MSL1: variants seen among roughly 807,000 people sequenced by gnomAD.
The protein encoded by MSL1 is male-specific lethal 1 homolog.
A neutral mutation model predicts 64.6 loss-of-function variants in MSL1; 21 were observed. The observed-to-expected ratio is 0.33, with a 90% CI of 0.23 to 0.47. The LOEUF is 0.47. Ranked by LOEUF, MSL1 falls within the 20% of genes least tolerant of loss-of-function variation. MSL1 has a pLI of 1.00. For missense variants in MSL1, 664 were observed against 793.2 expected (o/e 0.84, Z 1.96); for synonymous variants, 339 against 329.6 (o/e 1.03, Z -0.31).
chr17:40,126,631 AC>A, intron 2 of MSL1: 1 of 483,808 alleles, frequency 2.1e-6, no homozygotes, highest in South Asian at 2.7e-5. Flanking sequence ...ACATTTTGAA[AC>A]CCCGTCTCTA....
chr17:40,134,382 G>GA lies in MSL1; in HGVS notation c.*15dup. The GA allele has an allele frequency of 6.4e-7, 1 of 1,551,290 alleles. No homozygotes were observed. Among genetic ancestry groups the GA allele is most frequent in the Non-Finnish European group, 8.7e-7 (1 of 1,146,174 alleles). Reference sequence around the variant, plus strand: ...GTGTAGGAAATAGCTGTGCTGGCAAGAACCCTGTCTTCAGATAGTTGTAGC... The same window carrying GA: ...GTGTAGGAAATAGCTGTGCTGGCAAGAAACCCTGTCTTCAGATAGTTGTAGC... On this transcript the variant is annotated 3_prime_UTR_variant, in exon 9 of 9. Coordinates refer to ENST00000398532, the MANE Select transcript of MSL1 (RefSeq NM_001365919.1).
At chr17:40,123,677 G>C (rs1002082167) in intron 1 of MSL1, among the ~76,000 whole-genome samples, 5 of 152,156 alleles carry the variant, frequency 3.3e-5, no homozygotes, top group East Asian at 3.9e-4. Context: ...AAAAAGACGT[G>C]ATCTGTGAGG....
At chr17:40,133,455 G>A in intron 6 of MSL1, 79 bp from the exon 7 acceptor site, 3 of 1,515,160 alleles carry the variant, frequency 2.0e-6, no homozygotes, top group Non-Finnish European at 2.7e-6. Context: ...TCTGGATTGT[G>A]TGAGTTGCTT....
In MSL1 at chr17:40,122,299, A is replaced by C; in HGVS notation, c.-314A>C. On this transcript the variant is annotated 5_prime_UTR_variant, in exon 1 of 9. Coordinates refer to ENST00000398532, the MANE Select transcript of MSL1 (RefSeq NM_001365919.1). The surrounding 1 kb of genome is among the most constrained non-coding windows in gnomAD (Gnocchi z 4.2). ...GGCCGGGCCAGGGGGGGCCGAAGCG[A>C]GCTCCGGGGATGAGCTCGGGGGCGG... 6.9e-6 allele frequency: 1 copy of C among 145,446 alleles called. No homozygotes were observed. The highest frequency in any genetic ancestry group is 1.5e-5 in the Non-Finnish European group (1 of 68,488). The allele number at this position is 145,446 out of a possible 1,614,324, so 9.0% of individuals were successfully genotyped here. A position where few individuals can be genotyped will look rare whatever the true frequency, so the allele number is the denominator to read the frequency against.
Position 40,123,152 on chromosome 17 carries a change from G to C in MSL1, c.540G>C (p.Pro180=). ...AGPPPLPLPG[P]PPLAPTATAG... is the part of the protein sequence containing the mutation. ...CCCCACCACTACCTCTGCCCGGGCC[G>C]CCACCCCTCGCGCCCACCGCCACCG... The change falls in exon 1 of 9, where the codon CCG becomes CCC. Residue 180 remains proline, a synonymous_variant. Transcript: ENST00000398532. 6.5e-7 allele frequency: 1 copy of C among 1,533,686 alleles called. No homozygotes were observed. The highest frequency in any genetic ancestry group is 1.2e-5 in the South Asian group (1 of 83,940).
At chr17:40,125,901 C>A (rs1212943735) in intron 1 of MSL1, among the ~76,000 whole-genome samples, 1 of 152,246 alleles carries the variant, frequency 6.6e-6, no homozygotes, top group Non-Finnish European at 1.5e-5. Context: ...AGGCATGTTA[C>A]GGCCCTTCCC....
chr17:40,122,720 C>T lies in MSL1; in HGVS notation c.108C>T (p.Asp36=), dbSNP rs1223662185. Residue 36 remains aspartate (D), a synonymous_variant, in exon 1 of 9, where the codon GAC becomes GAT. Coordinates refer to ENST00000398532, the MANE Select transcript of MSL1 (RefSeq NM_001365919.1). The surrounding 1 kb of genome is among the most constrained non-coding windows in gnomAD (Gnocchi z 4.2). ...CTGCGGCGCTGGGCGGGCCCGAGGA[C>T]GAGCCTGGGGCGGCCGAAGCCCACT... ...ERAAALGGPE[D]EPGAAEAHFL... 2 of 1,476,348 alleles carry T rather than the reference C, an allele frequency of 1.4e-6. No homozygotes were observed. The highest frequency in any genetic ancestry group is 1.8e-6 in the Non-Finnish European group (2 of 1,121,400). 91.5% of individuals were successfully genotyped at this position (1,476,348 alleles called of 1,614,324 possible).
In MSL1 at chr17:40,133,846, C is replaced by T. The variant is rs752656422; in HGVS notation, c.1701C>T (p.Thr567=). The T allele has an allele frequency of 1.9e-6, 3 of 1,613,910 alleles. No individual in the cohort carries two copies. The highest frequency in any genetic ancestry group is 1.7e-5 in the Admixed American group (1 of 60,002). The part of the protein sequence containing the change: ...EPDDVESLMI[T]PFLPVVAFGR... ...CCATAGTTGAAAGTTTGATGATTAC[C>T]CCCTTCTTGCCTGTTGTAGCATTTG... Residue 567 remains threonine (T), a synonymous_variant, in exon 8 of 9, where the codon ACC becomes ACT. Coordinates refer to ENST00000398532, the MANE Select transcript of MSL1 (RefSeq NM_001365919.1).
intron 2 of MSL1, among the ~76,000 whole-genome samples, chr17:40,128,863 A>T (rs1345362373): frequency 1.3e-5 from 2 of 151,910 alleles, no homozygotes; most frequent in Non-Finnish European, 2.9e-5. Context: ...ATACAAAAAA[A>T]ATTAACCAGG....
At chr17:40,125,541 G>A (rs935638723) in intron 1 of MSL1, among the ~76,000 whole-genome samples, 3 of 152,154 alleles carry the variant, frequency 2.0e-5, no homozygotes, top group Admixed American at 6.5e-5. Context: ...GGCTGGGCGC[G>A]GTGGCTCACG....
chr17:40,127,630 C>T (rs1988350720), intron 2 of MSL1, among the ~76,000 whole-genome samples: 1 of 152,158 alleles, frequency 6.6e-6, no homozygotes, highest in Non-Finnish European at 1.5e-5. Flanking sequence ...CATAGGCACT[C>T]ACCATGCTTG....
At chr17:40,129,872 C>T in intron 3 of MSL1, 1 of 454,952 alleles carries the variant, frequency 2.2e-6, no homozygotes, top group Non-Finnish European at 3.9e-6. Context: ...GTAAGTTGCT[C>T]ATCACAAGAG....
chr17:40,122,692 G>C lies in MSL1; in HGVS notation c.80G>C (p.Arg27Pro), dbSNP rs1386139680. Residue 27 changes from arginine to proline, a missense_variant, in exon 1 of 9, where the codon CGG (arginine) becomes CCG (proline). By Grantham distance (103) the Arg-to-Pro change is moderately radical (BLOSUM62 -2). Transcript: ENST00000398532. This position sits in a 1 kb window ranked among gnomAD's most constrained non-coding sequence, Gnocchi z 4.2. ...CCTGAGCAGCGACTGGACTACGAGC[G>C]GGCTGCGGCGCTGGGCGGGCCCGAG... is the stretch of plus-strand genomic sequence containing the variant. ...GNPEQRLDYERAAALGGPEDE... is the reference protein window; with the variant it reads ...GNPEQRLDYEPAAALGGPEDE... 3 of 1,486,856 alleles carry C rather than the reference G, an allele frequency of 2.0e-6. No individual in the cohort carries two copies. Among genetic ancestry groups the C allele is most frequent in the Non-Finnish European group, 2.7e-6 (3 of 1,125,990 alleles). 92.1% of individuals were successfully genotyped at this position (1,486,856 alleles called of 1,614,324 possible).
rs569629039 is a variant in MSL1, at chr17:40,126,620, A to G, written c.992+214A>G. 1.1e-4 allele frequency: 57 copies of G among 519,682 alleles called. No homozygotes were observed. The South Asian group carries it at 1.4e-3, about 12-fold the overall frequency. 32.2% of individuals were successfully genotyped at this position (519,682 alleles called of 1,614,324 possible). A position where few individuals can be genotyped will look rare whatever the true frequency, so the allele number is the denominator to read the frequency against. ...TCAAGAGATAGAGACCATCCTGGCC[A>G]ACATTTTGAAACCCCGTCTCTACTA... On this transcript the variant is annotated intron_variant, in intron 2 of 8. Coordinates refer to ENST00000398532, the MANE Select transcript of MSL1 (RefSeq NM_001365919.1).
chr17:40,133,023 G>T lies in MSL1; in HGVS notation c.1489-19G>T. The T allele has an allele frequency of 6.2e-7, 1 of 1,604,000 alleles. No individual in the cohort carries two copies. Among genetic ancestry groups the T allele is most frequent in the Non-Finnish European group, 8.5e-7 (1 of 1,174,880 alleles). On this transcript the variant is annotated intron_variant, in intron 5 of 8. Coordinates refer to ENST00000398532, the MANE Select transcript of MSL1 (RefSeq NM_001365919.1). ...ATATATGGTGATAAATAGCTTATCA[G>T]CTGCTTTTCTTTACACAGAACCTGG...
intron 8 of MSL1, 88 bp from the exon 9 acceptor site, chr17:40,134,191 G>A (rs1482799363): frequency 2.7e-6 from 3 of 1,112,602 alleles, no homozygotes; most frequent in South Asian, 1.4e-5. Context: ...AGTGGTAAGG[G>A]ACATAGTGAC....
rs372229488 is a variant in MSL1, at chr17:40,126,354, A to C, written c.940A>C (p.Thr314Pro). The C allele has an allele frequency of 9.9e-6, 16 of 1,613,786 alleles. No homozygotes were observed. Among genetic ancestry groups the C allele is most frequent in the Non-Finnish European group, 1.4e-5 (16 of 1,179,892 alleles). ...CQPELSETSQ[T>P]LPPKPFSCGR... is the part of the protein sequence containing the mutation. ...GCCGGAGCTTTCCGAGACATCCCAG[A>C]CTCTGCCTCCCAAGCCCTTCTCATG... The change falls in exon 2 of 9, where the codon ACT becomes CCT. Residue 314 changes from threonine to proline, a missense_variant. By Grantham distance (38) the Thr-to-Pro change is conservative. Transcript: ENST00000398532.
At chr17:40,134,189 G>T in intron 8 of MSL1, 90 bp from the exon 9 acceptor site, 1 of 1,087,136 alleles carries the variant, frequency 9.2e-7, no homozygotes, top group South Asian at 1.4e-5. Context: ...GGAGTGGTAA[G>T]GGACATAGTG....
Position 40,135,606 on chromosome 17 carries a change from C to G in MSL1, c.*1237C>G, listed in dbSNP as rs1988524731. Reference sequence around the variant, plus strand: ...AGAGAATATGTCCCCAGATTATTAGCACTTTTAGAGGAGAAGCCAAGGTAT... The same window carrying G: ...AGAGAATATGTCCCCAGATTATTAGGACTTTTAGAGGAGAAGCCAAGGTAT... On this transcript the variant is annotated 3_prime_UTR_variant, in exon 9 of 9. Coordinates refer to ENST00000398532, the MANE Select transcript of MSL1 (RefSeq NM_001365919.1). 6.6e-6 allele frequency: 1 copy of G among 152,320 alleles called. No homozygotes were observed. The highest frequency in any genetic ancestry group is 6.6e-5 in the Admixed American group (1 of 15,262). 9.4% of individuals were successfully genotyped at this position (152,320 alleles called of 1,614,324 possible). A position where few individuals can be genotyped will look rare whatever the true frequency, so the allele number is the denominator to read the frequency against.
Sources: allele counts gnomAD v4.1 joint callset (sites outside exome capture counted in the v4.1 genomes callset), GRCh38; gene constraint gnomAD v4.1.1; non-coding constraint Gnocchi (gnomAD v3.1); transcripts MANE v1.5; gene names NCBI Gene and HGNC (gene_info 2026-07-23, HGNC 2026-07-21).